The following JPT1 variants were observed in gnomAD, a reference collection of about 807,000 sequenced individuals.
JPT1 encodes the protein Jupiter microtubule associated homolog 1, also known as androgen-regulated protein 2.
JPT1 carries 5 observed loss-of-function variants against 17.0 expected under a neutral mutation model. That is an observed-to-expected ratio of 0.29 (90% CI 0.15 to 0.62). The LOEUF (loss-of-function observed/expected upper bound fraction) is 0.62. Ranked by LOEUF, JPT1 falls within the 20% of genes least tolerant of loss-of-function variation. JPT1 has a pLI of 0.85. For missense variants in JPT1, 158 were observed against 188.1 expected, an observed-to-expected ratio of 0.84 and a Z score of 0.94; for synonymous variants, 71 against 73.6, an observed-to-expected ratio of 0.96 and a Z score of 0.18.
Position 75,135,726 on chromosome 17 carries a change from G to T in JPT1, c.*376C>A. On this transcript the variant is annotated 3_prime_UTR_variant, in exon 5 of 5. Coordinates refer to ENST00000409753, the MANE Select transcript of JPT1 (RefSeq NM_016185.4). ...ACTCCCTGTGGGTTGGGGCCTGGCA[G>T]GAACGGTGCCTGTGGACTGTTTATG... The T allele has an allele frequency of 3.7e-6, 1 of 267,074 alleles. No homozygotes were observed. 16.5% of individuals were successfully genotyped at this position (267,074 alleles called of 1,614,324 possible).
At chr17:75,154,287 C>T (rs1044771288) in intron 1 of JPT1, 55 bp downstream of exon 1, 31 of 1,386,158 alleles carry the variant, frequency 2.2e-5, no homozygotes, top group East Asian at 3.0e-5. Context: ...CCGCCGGCAG[C>T]GGCCCTCCCA....
chr17:75,151,016 G>T lies in JPT1; in HGVS notation c.57-2345C>A, dbSNP rs367807467. ...CTACAGGCGCCCGCCGGAACGCCCG[G>T]CTAACTCTTTTATTTTTAGTAGAGA... On this transcript the variant is annotated intron_variant, in intron 1 of 4. Transcript: ENST00000409753. Among the ~76,000 whole-genome samples, 27 of 151,718 alleles carry T rather than the reference G, an allele frequency of 1.8e-4. 1 individual carries two copies. In the East Asian group the frequency reaches 4.9e-3, roughly 28 times the overall value.
At chr17:75,136,672 A>T (rs964832846) in intron 4 of JPT1, among the ~76,000 whole-genome samples, 1 of 152,096 alleles carries the variant, frequency 6.6e-6, no homozygotes, top group African/African-American at 2.4e-5. Flanking sequence ...TTGTATTTTT[A>T]GTACAGATGG....
intron 2 of JPT1, 54 bp from the exon 3 acceptor site, chr17:75,147,707 A>G: frequency 6.9e-7 from 1 of 1,446,266 alleles, no homozygotes; most frequent in Non-Finnish European, 9.7e-7. Context: ...ACCTAAAGCA[A>G]AACACTTCAG....
At chr17:75,150,193 C>T (rs181719808) in intron 1 of JPT1, among the ~76,000 whole-genome samples, 301 of 152,198 alleles carry the variant, frequency 2.0e-3, no homozygotes, top group African/African-American at 6.9e-3. Flanking sequence ...CTCAATTTAA[C>T]TCCTCTTGCC....
intron 1 of JPT1, chr17:75,149,103 C>G: frequency 8.2e-7 from 1 of 1,223,996 alleles, no homozygotes; most frequent in Non-Finnish European, 1.1e-6. Context: ...GTAATCCCAG[C>G]ACCCTAGGAG....
At chr17:75,148,496 C>T (rs532848435) in intron 2 of JPT1, 33 bp downstream of exon 2, 3 of 1,612,348 alleles carry the variant, frequency 1.9e-6, no homozygotes, top group Non-Finnish European at 1.7e-6. Context: ...TGGGCCCATC[C>T]CTTTGAACAG....
intron 4 of JPT1, among the ~76,000 whole-genome samples, chr17:75,142,050 CAG>C (rs1287766741): frequency 1.3e-5 from 2 of 152,116 alleles, no homozygotes; most frequent in East Asian, 1.9e-4. Context: ...GCCTGGGTGA[CAG>C]AGCAAGGCTC....
At chr17:75,142,330 C>T (rs2145170959) in intron 4 of JPT1, among the ~76,000 whole-genome samples, 1 of 150,770 alleles carries the variant, frequency 6.6e-6, no homozygotes, top group South Asian at 2.1e-4. Context: ...GAGGCCAAGG[C>T]AGGTGGATCA....
At chr17:75,152,051 C>T (rs900997168) in intron 1 of JPT1, among the ~76,000 whole-genome samples, 4 of 152,106 alleles carry the variant, frequency 2.6e-5, no homozygotes, top group Non-Finnish European at 5.9e-5. Context: ...ACCAGTCCCA[C>T]TTTTTAAAGG....
chr17:75,138,910 A>G (rs536030225), intron 4 of JPT1, among the ~76,000 whole-genome samples: 1 of 152,252 alleles, frequency 6.6e-6, no homozygotes, highest in South Asian at 2.1e-4. Context: ...ATTCTATGGG[A>G]GTAACATAAA....
chr17:75,139,681 G>A (rs754739092), intron 4 of JPT1, among the ~76,000 whole-genome samples: 112 of 152,102 alleles, frequency 7.4e-4, no homozygotes, highest in Admixed American at 3.2e-3. Flanking sequence ...TTAGCTGGGC[G>A]TGTGTGCGCG....
At chr17:75,144,925 A>G (rs1210069712) in intron 4 of JPT1, among the ~76,000 whole-genome samples, 8 of 152,138 alleles carry the variant, frequency 5.3e-5, no homozygotes, top group Non-Finnish European at 1.5e-5. Context: ...AACAGGTCCT[A>G]TAAGGAAGAA....
Position 75,142,489 on chromosome 17 carries a change from G to C in JPT1, c.316+4177C>G, listed in dbSNP as rs1247580543. Among the ~76,000 whole-genome samples the C allele has an allele frequency of 2.0e-5, 3 of 149,966 alleles. No individual in the cohort carries two copies. In the Admixed American group the frequency reaches 2.0e-4, roughly 10 times the overall value. On this transcript the variant is annotated intron_variant, in intron 4 of 4. Transcript: ENST00000409753. ...GCAGGAGAATCACTTGAAACCGGTA[G>C]GTGGAGTTGCAGTGAGCCGTGATCG... is the stretch of plus-strand genomic sequence containing the variant.
chr17:75,147,692 A>G (rs1433708792), intron 2 of JPT1, 39 bp from the exon 3 acceptor site: 3 of 1,534,384 alleles, frequency 2.0e-6, no homozygotes, highest in South Asian at 2.2e-5. Context: ...AATACAATAG[A>G]AAAAACCTAA....
At position 75,135,952 on chromosome 17, in the gene JPT1, G is replaced by A. The variant is rs759843903; in HGVS notation, c.*150C>T. ...AAGAGTCAAGGACAGAGAGAAACCT[G>A]TTCTTCAAAAGAAAAAAAAAAAAGA... On this transcript the variant is annotated 3_prime_UTR_variant, in exon 5 of 5. Coordinates refer to ENST00000409753, the MANE Select transcript of JPT1 (RefSeq NM_016185.4). The A allele has an allele frequency of 9.1e-6, 14 of 1,542,318 alleles. 1 individual carries two copies. In the South Asian group the frequency reaches 1.6e-4, roughly 17 times the overall value.
chr17:75,149,043 CTTG>C (rs1387404329), intron 1 of JPT1: 37 of 1,280,994 alleles, frequency 2.9e-5, no homozygotes, highest in Non-Finnish European at 3.6e-5. Context: ...AGAAGTATTT[CTTG>C]TTATTATTCA....
chr17:75,152,828 G>A (rs1352378093), intron 1 of JPT1: 18 of 152,166 alleles, frequency 1.2e-4, no homozygotes, highest in Admixed American at 1.2e-3. Flanking sequence ...CAGAAAGGGA[G>A]CGACCAGTTT....
intron 4 of JPT1, among the ~76,000 whole-genome samples, chr17:75,140,830 G>A (rs2074294126): frequency 6.6e-6 from 1 of 152,070 alleles, no homozygotes; most frequent in South Asian, 2.1e-4. Context: ...GGTGGCTCAC[G>A]CCTGTAATCC....
Sources: allele counts gnomAD v4.1 joint callset (sites outside exome capture counted in the v4.1 genomes callset), GRCh38; gene constraint gnomAD v4.1.1; transcripts MANE v1.5; gene names NCBI Gene and HGNC (gene_info 2026-07-23, HGNC 2026-07-21).